The following CPNE8 variants were observed in gnomAD, a reference collection of about 807,000 sequenced individuals.
The protein encoded by CPNE8 is copine-8.
CPNE8 carries 45 observed loss-of-function variants against 81.5 expected under a neutral mutation model. The observed-to-expected ratio is 0.55, with a 90% CI of 0.44 to 0.71. The LOEUF is 0.71. Among genes scored for constraint, CPNE8 ranks in the 30% least tolerant of loss-of-function variants. The pLI, the probability that CPNE8 is intolerant of heterozygous loss-of-function variation, is 0.00. For synonymous variants in CPNE8, 252 were observed against 226.3 expected (o/e 1.11, Z -1.02); for missense variants, 594 against 672.1 (o/e 0.88, Z 1.28).
At chr12:38,892,976 G>A (rs898712891) in intron 1 of CPNE8, among the ~76,000 whole-genome samples, 1 of 151,890 alleles carries the variant, frequency 6.6e-6, no homozygotes, top group African/African-American at 2.4e-5. Flanking sequence ...CAAGTAGTTG[G>A]TGTTAGAAAT....
intron 3 of CPNE8, among the ~76,000 whole-genome samples, chr12:38,856,431 G>C (rs760494639): frequency 3.7e-4 from 57 of 152,036 alleles, no homozygotes; most frequent in Non-Finnish European, 6.8e-4. Flanking sequence ...CAATATCCTT[G>C]GTGAATATGG....
chr12:38,833,147 G>C lies in CPNE8; in HGVS notation c.331-3692C>G, dbSNP rs1356725266. Reference sequence around the variant, plus strand: ...GCGGGCGGATCACTTGAGGTCAGGCGATCAAGACCAGTCGGGCCAACATGG... The same window carrying C: ...GCGGGCGGATCACTTGAGGTCAGGCCATCAAGACCAGTCGGGCCAACATGG... On this transcript the variant is annotated intron_variant, in intron 5 of 19. Transcript: ENST00000331366. 2.0e-5 allele frequency among the ~76,000 whole-genome samples: 3 copies of C among 151,830 alleles called. No individual in the cohort carries two copies. The East Asian group carries it at 5.9e-4, about 30-fold the overall frequency.
intron 1 of CPNE8, among the ~76,000 whole-genome samples, chr12:38,880,243 G>A (rs2137119668): frequency 6.6e-6 from 1 of 152,152 alleles, no homozygotes; most frequent in Admixed American, 6.5e-5. Context: ...AATTATTAAG[G>A]GCCTTTTATT....
At chr12:38,766,125 TG>T (rs1941683017) in intron 8 of CPNE8, among the ~76,000 whole-genome samples, 1 of 152,214 alleles carries the variant, frequency 6.6e-6, no homozygotes, top group African/African-American at 2.4e-5. Flanking sequence ...CCTACAGTGC[TG>T]GGATTACAGG....
chr12:38,690,433 C>T (rs1051916960), intron 15 of CPNE8, among the ~76,000 whole-genome samples: 1 of 152,030 alleles, frequency 6.6e-6, no homozygotes, highest in African/African-American at 2.4e-5. Context: ...TATAATCATT[C>T]GGTAATATTA....
chr12:38,675,711 A>C lies in CPNE8; in HGVS notation c.1432+6T>G. ...CAAGGAATATTATTGAAATTTTACTACTCACCATCAAATTCTGCTGGTCCA... is the reference window on the plus strand; with the variant it reads ...CAAGGAATATTATTGAAATTTTACTCCTCACCATCAAATTCTGCTGGTCCA... On this transcript the variant is annotated splice_donor_region_variant and intron_variant, in intron 18 of 19. Transcript: ENST00000331366. The C allele has an allele frequency of 6.4e-7, 1 of 1,572,728 alleles. No homozygotes were observed.
At chr12:38,679,985 T>C (rs914582945) in intron 16 of CPNE8, among the ~76,000 whole-genome samples, 2 of 151,844 alleles carry the variant, frequency 1.3e-5, no homozygotes, top group African/African-American at 2.4e-5. Flanking sequence ...AAGAACTTGA[T>C]GGGGAATCCT....
At chr12:38,792,479 A>G (rs1174668227) in intron 6 of CPNE8, among the ~76,000 whole-genome samples, 1 of 151,704 alleles carries the variant, frequency 6.6e-6, no homozygotes. Flanking sequence ...AAAAATTTAG[A>G]AGTAATTGAC....
intron 6 of CPNE8, among the ~76,000 whole-genome samples, chr12:38,797,224 G>C (rs1200929058): frequency 3.3e-5 from 5 of 152,172 alleles, no homozygotes; most frequent in Non-Finnish European, 7.3e-5. Context: ...CTGGAGATCT[G>C]AGAACGGGCA....
At position 38,848,388 on chromosome 12, in the gene CPNE8, A is replaced by G. The variant is rs567225874; in HGVS notation, c.290+171T>C. Among the ~76,000 whole-genome samples the G allele has an allele frequency of 5.9e-5, 9 of 152,276 alleles. No homozygotes were observed. In the East Asian group the frequency reaches 1.7e-3, roughly 29 times the overall value. On this transcript the variant is annotated intron_variant, in intron 4 of 19. Transcript: ENST00000331366. Reference sequence around the variant, plus strand: ...ACCTATTCATTCAACATGTATTCAGACCTACAAAATGCAAAGCAGGGGGCT... The same window carrying G: ...ACCTATTCATTCAACATGTATTCAGGCCTACAAAATGCAAAGCAGGGGGCT...
intron 4 of CPNE8, 71 bp downstream of exon 4, chr12:38,848,488 A>G (rs1317316671): frequency 1.0e-5 from 15 of 1,471,854 alleles, no homozygotes; most frequent in Non-Finnish European, 1.3e-5. Flanking sequence ...CAACCATAGG[A>G]CCCTGCCTTA....
chr12:38,798,147 T>G (rs1014906741), intron 6 of CPNE8, among the ~76,000 whole-genome samples: 6 of 152,166 alleles, frequency 3.9e-5, no homozygotes, highest in African/African-American at 1.2e-4. Flanking sequence ...CCAGGAGAAC[T>G]TCCCCAATCT....
intron 1 of CPNE8, among the ~76,000 whole-genome samples, chr12:38,877,356 TAAAC>T (rs1251784956): frequency 6.6e-6 from 1 of 152,006 alleles, no homozygotes; most frequent in Non-Finnish European, 1.5e-5. Context: ...CTTTTAAAAA[TAAAC>T]ATACACACAC....
At chr12:38,888,146 C>A (rs1944262352) in intron 1 of CPNE8, among the ~76,000 whole-genome samples, 1 of 152,184 alleles carries the variant, frequency 6.6e-6, no homozygotes, top group Non-Finnish European at 1.5e-5. Context: ...TGCTGCCTTC[C>A]AAGCACCACT....
chr12:38,729,843 A>G (rs1267739633), intron 11 of CPNE8, among the ~76,000 whole-genome samples: 2 of 152,154 alleles, frequency 1.3e-5, no homozygotes, highest in East Asian at 3.9e-4. Flanking sequence ...TAATGGCTGC[A>G]TATTACCTTG....
chr12:38,797,310 G>C (rs537089447), intron 6 of CPNE8, among the ~76,000 whole-genome samples: 2 of 152,128 alleles, frequency 1.3e-5, no homozygotes, highest in South Asian at 2.1e-4. Context: ...AGTAGGGGCA[G>C]ACTGACACCT....
intron 7 of CPNE8, among the ~76,000 whole-genome samples, chr12:38,768,095 C>T (rs1011229167): frequency 4.0e-5 from 6 of 150,612 alleles, no homozygotes; most frequent in African/African-American, 1.5e-4. Flanking sequence ...TAAAAAAATT[C>T]CTGTTCATTA....
chr12:38,747,108 AT>A (rs1161642754), intron 10 of CPNE8, among the ~76,000 whole-genome samples: 1 of 152,210 alleles, frequency 6.6e-6, no homozygotes, highest in South Asian at 2.1e-4. Flanking sequence ...TTCTCAATTT[AT>A]TTTTAAAGAA....
At chr12:38,867,327 TGTGTGTGTGTGTGAGA>T (rs1183272178) in intron 3 of CPNE8, among the ~76,000 whole-genome samples, 3 of 143,588 alleles carry the variant, frequency 2.1e-5, no homozygotes, top group African/African-American at 8.3e-5. Flanking sequence ...TGTGTGTGTG[TGTGTGTGTGTGTGAGA>T]GAGAGAGAGA....
Sources: gnomAD v4.1 joint callset for allele counts (sites outside exome capture counted in the v4.1 genomes callset) on GRCh38, gnomAD v4.1.1 for gene constraint, MANE v1.5 for transcripts, NCBI Gene and HGNC (gene_info 2026-07-23, HGNC 2026-07-21) for gene names.